The following TTC29 variants were observed in gnomAD, a reference collection of about 807,000 sequenced individuals.
The protein encoded by TTC29 is tetratricopeptide repeat protein 29.
TTC29 carries 49 observed loss-of-function variants against 58.1 expected under a neutral mutation model. That is an observed-to-expected ratio of 0.84 (90% CI 0.67 to 1.07). The LOEUF is 1.07. Ranked by LOEUF, TTC29 falls within the 50% of genes least tolerant of loss-of-function variation. The probability of loss-of-function intolerance (pLI) is 0.00; values close to 1 mark genes in which losing one functional copy is unlikely to be tolerated. For missense variants in TTC29, 582 were observed against 555.6 expected (o/e 1.05, Z -0.48); for synonymous variants, 209 against 196.8 (o/e 1.06, Z -0.52).
At chr4:146,834,608 T>C (rs1728384377) in intron 8 of TTC29, among the ~76,000 whole-genome samples, 1 of 152,196 alleles carries the variant, frequency 6.6e-6, no homozygotes, top group Non-Finnish European at 1.5e-5. Context: ...CATTATTACT[T>C]GACCCAACCT....
chr4:146,854,372 C>G (rs1004352298), intron 8 of TTC29, among the ~76,000 whole-genome samples: 1 of 152,132 alleles, frequency 6.6e-6, no homozygotes, highest in Non-Finnish European at 1.5e-5. Flanking sequence ...TGTATTTGAG[C>G]AAGAACTATG....
chr4:146,831,576 T>C (rs1728165249), intron 9 of TTC29: 1 of 305,290 alleles, frequency 3.3e-6, no homozygotes, highest in Non-Finnish European at 6.8e-6. Flanking sequence ...CAAATATAGC[T>C]GTATCCCGTC....
intron 2 of TTC29, 24 bp from the exon 3 acceptor site, chr4:146,939,925 T>C (rs1245798773): frequency 1.3e-6 from 2 of 1,583,824 alleles, no homozygotes; most frequent in Non-Finnish European, 1.7e-6. Flanking sequence ...TAAGTAGAAA[T>C]TGTATTTTAA....
At position 146,939,856 on chromosome 4, in the gene TTC29, G is replaced by A; in HGVS notation, c.40C>T (p.Leu14Phe). Residue 14 changes from leucine (L) to phenylalanine (F), a missense_variant, in exon 3 of 13, where the codon CTT (leucine) becomes TTT (phenylalanine). Transcript: ENST00000325106. Reference sequence around the variant, plus strand: ...AGCTTCTGTCTGGCTAAGGCTGTAAGCTTCGGGCGTGTCATGGGCAGTGGG... The same window carrying A: ...AGCTTCTGTCTGGCTAAGGCTGTAAACTTCGGGCGTGTCATGGGCAGTGGG... ...LPPLPMTRPK[L>F]TALARQKLPC... The A allele has an allele frequency of 6.2e-7, 1 of 1,613,450 alleles. No homozygotes were observed. The highest frequency in any genetic ancestry group is 1.1e-5 in the South Asian group (1 of 90,916).
At position 146,898,687 on chromosome 4, in the gene TTC29, G is replaced by C. The variant is rs79739487; in HGVS notation, c.586+4857C>G. ...TCACCAATCATCTATCATCCAAGAG[G>C]ACATCTAATTTTCCTCTGGGTTTCC... On this transcript the variant is annotated intron_variant, in intron 6 of 12. Transcript: ENST00000325106. Among the ~76,000 whole-genome samples, 681 of 152,250 alleles carry C rather than the reference G, an allele frequency of 4.5e-3. 2 individuals carry two copies. The highest frequency in any genetic ancestry group is 0.015 in the African/African-American group (635 of 41,522).
intron 6 of TTC29, among the ~76,000 whole-genome samples, chr4:146,877,880 G>A (rs139245446): frequency 2.6e-5 from 4 of 152,258 alleles, no homozygotes; most frequent in East Asian, 1.9e-4. Context: ...AATAGCAAAT[G>A]AGAACTGATA....
Position 146,786,009 on chromosome 4 carries a change from A to G in TTC29, c.1330+17448T>C, listed in dbSNP as rs986483110. Among the ~76,000 whole-genome samples, 3 of 149,480 alleles carry G rather than the reference A, an allele frequency of 2.0e-5. No individual in the cohort carries two copies. In the Admixed American group the frequency reaches 2.0e-4, roughly 10 times the overall value. ...TACACACACACACACACACACACAC[A>G]CTCACACACCTACAACTGAAATAGT... is the stretch of plus-strand genomic sequence containing the variant. On this transcript the variant is annotated intron_variant, in intron 11 of 12. Coordinates refer to ENST00000325106, the MANE Select transcript of TTC29 (RefSeq NM_031956.4).
At chr4:146,812,556 G>A (rs1751095529) in intron 10 of TTC29, among the ~76,000 whole-genome samples, 1 of 152,040 alleles carries the variant, frequency 6.6e-6, no homozygotes, top group South Asian at 2.1e-4. Flanking sequence ...ATTTATAAGT[G>A]CCTTTTTACT....
intron 11 of TTC29, among the ~76,000 whole-genome samples, chr4:146,751,681 G>A (rs368413674): frequency 1.4e-4 from 21 of 152,116 alleles, no homozygotes; most frequent in Admixed American, 3.9e-4. Flanking sequence ...ATACCAAAAC[G>A]TATAGGATAC....
intron 11 of TTC29, among the ~76,000 whole-genome samples, chr4:146,800,637 A>T (rs1750152390): frequency 6.6e-6 from 1 of 152,226 alleles, no homozygotes; most frequent in African/African-American, 2.4e-5. Flanking sequence ...GTTGGATCAC[A>T]GGTTTTCCAA....
At chr4:146,944,619 A>C (rs745952284) in intron 2 of TTC29, among the ~76,000 whole-genome samples, 1 of 152,178 alleles carries the variant, frequency 6.6e-6, no homozygotes, top group Non-Finnish European at 1.5e-5. Context: ...TTTGGAGTAA[A>C]AACTGAGATT....
At chr4:146,865,544 AC>A (rs1378244635) in intron 8 of TTC29, among the ~76,000 whole-genome samples, 1 of 152,136 alleles carries the variant, frequency 6.6e-6, no homozygotes, top group Admixed American at 6.6e-5. Flanking sequence ...TGGCTGAAAA[AC>A]TATCAGGTAC....
At chr4:146,766,161 G>T (rs750076560) in intron 11 of TTC29, among the ~76,000 whole-genome samples, 23 of 151,992 alleles carry the variant, frequency 1.5e-4, no homozygotes, top group Non-Finnish European at 3.1e-4. Context: ...CATGACCATT[G>T]TATGGGTGTT....
chr4:146,707,008 A>G lies in TTC29; in HGVS notation c.*150T>C. ...AGATGTTTTGGATTAAATTTATAGT[A>G]ACACACTGAAATGCAAAATCCAATG... On this transcript the variant is annotated 3_prime_UTR_variant, in exon 13 of 13. Coordinates refer to ENST00000325106, the MANE Select transcript of TTC29 (RefSeq NM_031956.4). 2 of 458,214 alleles carry G rather than the reference A, an allele frequency of 4.4e-6. No individual in the cohort carries two copies. Among genetic ancestry groups the G allele is most frequent in the Non-Finnish European group, 7.4e-6 (2 of 268,896 alleles). The allele number at this position is 458,214 out of a possible 1,614,324, so 28.4% of individuals were successfully genotyped here.
rs931444382 is a variant in TTC29 at position 146,707,409 on chromosome 4, T to C, written c.1397+76A>G. 2.5e-4 allele frequency: 272 copies of C among 1,081,230 alleles called. 1 individual carries two copies. Among genetic ancestry groups the C allele is most frequent in the Non-Finnish European group, 2.5e-4 (180 of 729,314 alleles). The allele number at this position is 1,081,230 out of a possible 1,614,324, so 67.0% of individuals were successfully genotyped here. A position where few individuals can be genotyped will look rare whatever the true frequency, so the allele number is the denominator to read the frequency against. ...CTGGATGAAGCTCCTCTTTTTGTGTTTGGAGAATGAGATTATGCTTAGTAT... is the reference window on the plus strand; with the variant it reads ...CTGGATGAAGCTCCTCTTTTTGTGTCTGGAGAATGAGATTATGCTTAGTAT... On this transcript the variant is annotated intron_variant, in intron 12 of 12. Transcript: ENST00000325106.
At chr4:146,733,877 A>T (rs984823795) in intron 11 of TTC29, among the ~76,000 whole-genome samples, 19 of 152,168 alleles carry the variant, frequency 1.2e-4, no homozygotes, top group Non-Finnish European at 2.1e-4. Context: ...GTAATTTTTT[A>T]AAAAATCAGA....
At chr4:146,751,080 G>C (rs1049441188) in intron 11 of TTC29, among the ~76,000 whole-genome samples, 6 of 152,108 alleles carry the variant, frequency 3.9e-5, no homozygotes, top group African/African-American at 1.4e-4. Context: ...TATTGGATAA[G>C]ATAGACTTCA....
At chr4:146,797,589 CA>C (rs1288193333) in intron 11 of TTC29, among the ~76,000 whole-genome samples, 1 of 151,224 alleles carries the variant, frequency 6.6e-6, no homozygotes, top group Non-Finnish European at 1.5e-5. Context: ...GTATTTTTTA[CA>C]AAGATCTTTC....
chr4:146,790,730 G>A (rs1337745598), intron 11 of TTC29, among the ~76,000 whole-genome samples: 1 of 152,156 alleles, frequency 6.6e-6, no homozygotes, highest in East Asian at 1.9e-4. Context: ...CATGTGTGCT[G>A]TGCACACTAA....
Sources: gnomAD v4.1 joint callset for allele counts (sites outside exome capture counted in the v4.1 genomes callset) on GRCh38, gnomAD v4.1.1 for gene constraint, MANE v1.5 for transcripts, NCBI Gene and HGNC (gene_info 2026-07-23, HGNC 2026-07-21) for gene names.